TRANK1: variants seen among roughly 807,000 people sequenced by gnomAD.
TRANK1 encodes the protein tetratricopeptide repeat and ankyrin repeat containing 1, also known as TPR and ankyrin repeat-containing protein 1.
A neutral mutation model predicts 266.0 loss-of-function variants in TRANK1; 198 were observed. The observed-to-expected ratio is 0.74, with a 90% CI of 0.66 to 0.84. The LOEUF (loss-of-function observed/expected upper bound fraction) is 0.84. Among genes scored for constraint, TRANK1 ranks in the 40% least tolerant of loss-of-function variants. The pLI, the probability that TRANK1 is intolerant of heterozygous loss-of-function variation, is 0.00. For missense variants in TRANK1, 3,326 were observed against 3,634.6 expected (o/e 0.92, Z 2.18); for synonymous variants, 1,396 against 1,384.1 (o/e 1.01, Z -0.19).
chr3:36,899,186 C>A lies in TRANK1; in HGVS notation c.356G>T (p.Gly119Val). 2.6e-6 allele frequency: 4 copies of A among 1,537,260 alleles called. No individual in the cohort carries two copies. The highest frequency in any genetic ancestry group is 1.4e-5 in the African/African-American group (1 of 73,154). Reference sequence around the variant, plus strand: ...TTGGCTTCTCTGCACAAGTCGCAGACCCTCAAAAAACATGCGAGCGGCTTC... The same window carrying A: ...TTGGCTTCTCTGCACAAGTCGCAGAACCTCAAAAAACATGCGAGCGGCTTC... Reference protein sequence around the residue: ...PYEAARMFFEGLRLVQRSQDQ... With the variant: ...PYEAARMFFEVLRLVQRSQDQ... The change falls in exon 4 of 24, where the codon GGT (glycine) becomes GTT (valine). Residue 119 changes from glycine to valine, a missense_variant. Coordinates refer to ENST00000645898, the MANE Select transcript of TRANK1 (RefSeq NM_001329998.2).
intron 8 of TRANK1, among the ~76,000 whole-genome samples, chr3:36,874,539 T>C (rs986093906): frequency 3.9e-5 from 6 of 152,030 alleles, no homozygotes; most frequent in Non-Finnish European, 8.8e-5. Context: ...CCTCTCTACC[T>C]TTCTCCCCTC....
chr3:36,943,683 C>T (rs1454614260), intron 1 of TRANK1, among the ~76,000 whole-genome samples: 1 of 151,178 alleles, frequency 6.6e-6, no homozygotes, highest in African/African-American at 2.4e-5. Flanking sequence ...ATCCGGATAA[C>T]AGCCTTATAT....
rs368092184 is a variant in TRANK1 at position 36,832,519 on chromosome 3, T to C, written c.7064A>G (p.Glu2355Gly). ...TTTGAGTTCCCTGTTGTAGTTGTCC[T>C]CCTCCTGGTGGAGCAGCTTTTCAAA... Reference protein sequence around the residue: ...EEFEKLLHQEEDNYNRELKAL... With the variant: ...EEFEKLLHQEGDNYNRELKAL... Residue 2355 changes from glutamate to glycine, a missense_variant, in exon 22 of 24, where the codon GAG becomes GGG. Physicochemically the swap from Glu to Gly is moderately conservative, Grantham distance 98. Transcript: ENST00000645898. 1 of 1,613,940 alleles carries C rather than the reference T, an allele frequency of 6.2e-7. No homozygotes were observed. Among genetic ancestry groups the C allele is most frequent in the South Asian group, 1.1e-5 (1 of 91,080 alleles).
chr3:36,829,286 T>C (rs953268649), intron 23 of TRANK1, among the ~76,000 whole-genome samples: 1 of 152,218 alleles, frequency 6.6e-6, no homozygotes, highest in Non-Finnish European at 1.5e-5. Flanking sequence ...CTGCATTGAG[T>C]ATGTGCAGTG....
At chr3:36,880,320 G>A (rs968491620) in intron 8 of TRANK1, 8 of 395,836 alleles carry the variant, frequency 2.0e-5, no homozygotes, top group African/African-American at 4.3e-5. Flanking sequence ...GAGAAACATC[G>A]ATTCTCCACT....
intron 1 of TRANK1, among the ~76,000 whole-genome samples, chr3:36,915,160 C>G (rs1215437468): frequency 6.6e-6 from 1 of 151,764 alleles, no homozygotes; most frequent in African/African-American, 2.4e-5. Flanking sequence ...ACTGTGTTAG[C>G]CAGGATGGTC....
intron 1 of TRANK1, among the ~76,000 whole-genome samples, chr3:36,910,346 C>T (rs898614084): frequency 6.6e-6 from 1 of 152,156 alleles, no homozygotes; most frequent in African/African-American, 2.4e-5. Flanking sequence ...TGTTCACCAC[C>T]TCGAAAACTT....
intron 6 of TRANK1, 101 bp from the exon 7 acceptor site, chr3:36,892,441 T>A: frequency 7.2e-7 from 1 of 1,384,546 alleles, no homozygotes; most frequent in Admixed American, 2.4e-5. Flanking sequence ...AAAACTTGGA[T>A]TAGCTGTGGT....
chr3:36,889,878 G>C lies in TRANK1; in HGVS notation c.858C>G (p.Cys286Trp). 1 of 1,537,274 alleles carries C rather than the reference G, an allele frequency of 6.5e-7. No homozygotes were observed. Among genetic ancestry groups the C allele is most frequent in the Non-Finnish European group, 8.7e-7 (1 of 1,146,916 alleles). The change falls in exon 8 of 24, where the codon TGC becomes TGG. Residue 286 changes from cysteine (C) to tryptophan (W), a missense_variant. Coordinates refer to ENST00000645898, the MANE Select transcript of TRANK1 (RefSeq NM_001329998.2). Reference protein sequence around the residue: ...GRINQKDGDGCTVLHVVAAHS... With the variant: ...GRINQKDGDGWTVLHVVAAHS... ...GGGCAGCGACGACGTGCAGGACAGT[G>C]CAGCCATCCCCATCCTTCTGGTTAA...
intron 1 of TRANK1, among the ~76,000 whole-genome samples, chr3:36,923,524 A>T (rs542628296): frequency 6.6e-6 from 1 of 151,978 alleles, no homozygotes; most frequent in African/African-American, 2.4e-5. Flanking sequence ...CCAAAGTGCT[A>T]GGATTACAGG....
In TRANK1 at chr3:36,832,794, G is replaced by T. The variant is rs148362947; in HGVS notation, c.6789C>A (p.Gly2263=). 2 of 1,613,864 alleles carry T rather than the reference G, an allele frequency of 1.2e-6. No individual in the cohort carries two copies. Among genetic ancestry groups the T allele is most frequent in the Non-Finnish European group, 1.7e-6 (2 of 1,179,898 alleles). ...GGACATCCAGAATGGACTTGCAAAG[G>T]CCATACATATCTGTAGACAAAATAT... ...IDYILSTDMY[G]LCKSILDVLF... Residue 2263 remains glycine (G), a synonymous_variant, in exon 22 of 24, where the codon GGC becomes GGA. Transcript: ENST00000645898.
chr3:36,849,107 T>G (rs141745283), intron 15 of TRANK1, among the ~76,000 whole-genome samples: 23 of 152,288 alleles, frequency 1.5e-4, no homozygotes. Context: ...CTTGGTACTA[T>G]CAATTGTGAA....
In TRANK1 at chr3:36,855,516, C is replaced by A; in HGVS notation, c.4206G>T (p.Arg1402Ser). 1 of 1,613,926 alleles carries A rather than the reference C, an allele frequency of 6.2e-7. No individual in the cohort carries two copies. ...CTTCATCAAAATAACCTTTCTGGGACCTGATTTGCTGATACAGACTGAAGA... is the reference window on the plus strand; with the variant it reads ...CTTCATCAAAATAACCTTTCTGGGAACTGATTTGCTGATACAGACTGAAGA... ...YSLFSLYQQIRSQKGYFDEED... is the reference protein window; with the variant it reads ...YSLFSLYQQISSQKGYFDEED... Residue 1402 changes from arginine (R) to serine (S), a missense_variant, in exon 13 of 24, where the codon AGG becomes AGT. Physicochemically the swap from Arg to Ser is moderately radical, Grantham distance 110 (BLOSUM62 -1). Coordinates refer to ENST00000645898, the MANE Select transcript of TRANK1 (RefSeq NM_001329998.2).
Position 36,927,553 on chromosome 3 carries a change from G to A in TRANK1, c.23+17234C>T, listed in dbSNP as rs776458032. Among the ~76,000 whole-genome samples the A allele has an allele frequency of 2.0e-5, 3 of 152,158 alleles. 1 individual carries two copies. Among genetic ancestry groups the A allele is most frequent in the South Asian group, 4.2e-4 (2 of 4,810 alleles). ...CTAAGAACCATCCTATAAAATCCCC[G>A]GCAAGACTTTGTCTCCTGGCAGTCA... On this transcript the variant is annotated intron_variant, in intron 1 of 23. Transcript: ENST00000645898.
chr3:36,858,030 G>A lies in TRANK1; in HGVS notation c.1692C>T (p.Phe564=). The stretch of plus-strand genomic sequence containing the variant: ...AAAACAGATCCAACAGATGGCTGAG[G>A]AAGCTAAAACCAATGTCAGCTGAAA... ...LEIKADIGFS[F]LSHLLDLFWS... The change falls in exon 13 of 24, where the codon TTC becomes TTT. Residue 564 remains phenylalanine, a synonymous_variant. Coordinates refer to ENST00000645898, the MANE Select transcript of TRANK1 (RefSeq NM_001329998.2). 1 of 1,569,880 alleles carries A rather than the reference G, an allele frequency of 6.4e-7. No individual in the cohort carries two copies. Among genetic ancestry groups the A allele is most frequent in the Non-Finnish European group, 8.6e-7 (1 of 1,164,098 alleles).
Position 36,892,216 on chromosome 3 carries a change from A to T in TRANK1, c.761T>A (p.Leu254His), listed in dbSNP as rs2079708893. The change falls in exon 7 of 24, where the codon CTC becomes CAC. Residue 254 changes from leucine to histidine, a missense_variant. Physicochemically the swap from Leu to His is moderately conservative, Grantham distance 99 (BLOSUM62 -3). Transcript: ENST00000645898. ...AGAAGACTCACTGGCTTGGATACAG[A>T]GTCGCATGAGGGCATGAAGGGGATA... ...GPYPLHALMR[L>H]CIQARENHLF... is the part of the protein sequence containing the mutation. 1.3e-6 allele frequency: 2 copies of T among 1,536,934 alleles called. No homozygotes were observed. The highest frequency in any genetic ancestry group is 1.7e-6 in the Non-Finnish European group (2 of 1,146,808).
rs2079477635 is a variant in TRANK1, at chr3:36,879,853, T to TATACAAGTATATGTAAAC, written c.908-5558_908-5557insGTTTACATATACTTGTAT. ...ATGTAAATATACAAATATATGTAAA[T>TATACAAGTATATGTAAAC]ATACAAATATATGTAAACATACAAA... is the stretch of plus-strand genomic sequence containing the variant. On this transcript the variant is annotated intron_variant, in intron 8 of 23. Coordinates refer to ENST00000645898, the MANE Select transcript of TRANK1 (RefSeq NM_001329998.2). Among the ~76,000 whole-genome samples, 4 of 86,776 alleles carry TATACAAGTATATGTAAAC rather than the reference T, an allele frequency of 4.6e-5. No homozygotes were observed. In the South Asian group the frequency reaches 1.5e-3, roughly 34 times the overall value. The allele number at this position is 86,776 out of a possible 152,430, so 56.9% of individuals were successfully genotyped here. A position where few individuals can be genotyped will look rare whatever the true frequency, so the allele number is the denominator to read the frequency against.
chr3:36,836,129 G>A (rs573471208), intron 20 of TRANK1, among the ~76,000 whole-genome samples: 26 of 152,322 alleles, frequency 1.7e-4, no homozygotes, highest in Admixed American at 7.2e-4. Context: ...CAAGAATGTG[G>A]GGAATGCAGA....
intron 2 of TRANK1, among the ~76,000 whole-genome samples, chr3:36,907,433 A>C (rs1353091513): frequency 1.4e-5 from 2 of 146,900 alleles, no homozygotes; most frequent in Admixed American, 1.4e-4. Context: ...TACAGGTTTG[A>C]GCCACTCTAC....
Sources: allele counts gnomAD v4.1 joint callset (sites outside exome capture counted in the v4.1 genomes callset), GRCh38; gene constraint gnomAD v4.1.1; transcripts MANE v1.5; gene names NCBI Gene and HGNC (gene_info 2026-07-23, HGNC 2026-07-21).